Variants in GNAS-AS1 observed in about 807,000 individuals in gnomAD.
The protein encoded by GNAS-AS1 is GNAS antisense RNA 1, also known as GNAS antisense RNA 1 (non-protein coding).
At position 58,840,798 on chromosome 20, in the gene GNAS-AS1, C is replaced by T. The variant is rs1345821898; in HGVS notation, n.819+1139G>A. 6.2e-7 allele frequency: 1 copy of T among 1,612,292 alleles called. No homozygotes were observed. Among genetic ancestry groups the T allele is most frequent in the Non-Finnish European group, 8.5e-7 (1 of 1,179,974 alleles). On this transcript the variant is annotated intron_variant and non_coding_transcript_variant, in intron 4 of 4. Coordinates refer to ENST00000424094, the Ensembl canonical transcript of GNAS-AS1. The surrounding 1 kb of genome is among the most constrained non-coding windows in gnomAD (Gnocchi z 6.0). Reference sequence around the variant, plus strand: ...AAGCCCACCCGCCGTGACGCGTCCCCGGAGTCCCCTTCCAAAAAGGGACCC... The same window carrying T: ...AAGCCCACCCGCCGTGACGCGTCCCTGGAGTCCCCTTCCAAAAAGGGACCC...
At chr20:58,831,049 C>T (rs2085566072) in intron 4 of GNAS-AS1, among the ~76,000 whole-genome samples, 1 of 152,026 alleles carries the variant, frequency 6.6e-6, no homozygotes, top group South Asian at 2.1e-4. Context: ...TCAGAGAAAG[C>T]CAAAATAAGT....
At chr20:58,845,263 G>GA (rs1308472885) in intron 2 of GNAS-AS1, among the ~76,000 whole-genome samples, 7 of 152,212 alleles carry the variant, frequency 4.6e-5, no homozygotes, top group South Asian at 2.1e-4. Flanking sequence ...AGCTAGACCT[G>GA]AAAAAAATGG....
rs145150155 is a variant in GNAS-AS1, at chr20:58,845,508, A to G, written n.414-2963T>C. 2.4e-3 allele frequency among the ~76,000 whole-genome samples: 371 copies of G among 152,336 alleles called. 1 individual carries two copies. The highest frequency in any genetic ancestry group is 6.2e-3 in the South Asian group (30 of 4,822). ...CCAAAACCAGTTTTGCCTCCATCAT[A>G]CATGCATGGGATAAACAAAGCAAGC... is the stretch of plus-strand genomic sequence containing the variant. On this transcript the variant is annotated intron_variant and non_coding_transcript_variant, in intron 2 of 4. Transcript: ENST00000424094.
intron 2 of GNAS-AS1, chr20:58,842,591 G>A (rs1328326086): frequency 2.5e-6 from 1 of 398,318 alleles, no homozygotes; most frequent in Admixed American, 4.4e-5. Context: ...GGTTTTCTGC[G>A]ACAGCAATGT....
At chr20:58,819,092 C>A in exon 5 of GNAS-AS1, 1 of 398,680 alleles carries the variant, frequency 2.5e-6, no homozygotes, top group Non-Finnish European at 4.4e-6. Flanking sequence ...ACCAAACTCT[C>A]TTTGCTTATC....
intron 2 of GNAS-AS1, among the ~76,000 whole-genome samples, chr20:58,844,744 C>G (rs1311010114): frequency 1.3e-5 from 2 of 151,740 alleles, no homozygotes; most frequent in African/African-American, 4.8e-5. Flanking sequence ...AAAGCACCAG[C>G]TAGGTATCGC....
chr20:58,839,337 T>C (rs934201848), intron 4 of GNAS-AS1: 13 of 398,588 alleles, frequency 3.3e-5, no homozygotes, highest in Admixed American at 2.6e-4. Context: ...TGGAAAATGC[T>C]AGAGGCTTAA....
rs1218011584 is a variant in GNAS-AS1 at position 58,841,191 on chromosome 20, A to C, written n.819+746T>G. Among the ~76,000 whole-genome samples, 1 of 152,128 alleles carries C rather than the reference A, an allele frequency of 6.6e-6. No individual in the cohort carries two copies. Among genetic ancestry groups the C allele is most frequent in the Non-Finnish European group, 1.5e-5 (1 of 68,032 alleles). Reference sequence around the variant, plus strand: ...CGCGACTGAATCCCGAACGCACCCCAGATTTGGAGCTGCACACCCAAACGG... The same window carrying C: ...CGCGACTGAATCCCGAACGCACCCCCGATTTGGAGCTGCACACCCAAACGG... On this transcript the variant is annotated intron_variant and non_coding_transcript_variant, in intron 4 of 4. Transcript: ENST00000424094. This position sits in a 1 kb window ranked among gnomAD's most constrained non-coding sequence, Gnocchi z 5.0.
intron 4 of GNAS-AS1, among the ~76,000 whole-genome samples, chr20:58,824,237 A>G (rs2085505257): frequency 6.6e-6 from 1 of 152,272 alleles, no homozygotes; most frequent in Non-Finnish European, 1.5e-5. Context: ...AGAGGAAACC[A>G]GAGCAGCAGA....
intron 4 of GNAS-AS1, among the ~76,000 whole-genome samples, chr20:58,824,711 G>A (rs2085508455): frequency 6.6e-6 from 1 of 152,172 alleles, no homozygotes; most frequent in Admixed American, 6.5e-5. Context: ...CCTGCCAGAA[G>A]AAACCAAATG....
In GNAS-AS1 at chr20:58,840,036, G is replaced by A. The variant is rs1407327043; in HGVS notation, n.819+1901C>T. 1.9e-6 allele frequency: 3 copies of A among 1,553,674 alleles called. No homozygotes were observed. The highest frequency in any genetic ancestry group is 2.2e-5 in the East Asian group (1 of 44,620). On this transcript the variant is annotated intron_variant and non_coding_transcript_variant, in intron 4 of 4. Transcript: ENST00000424094. The surrounding 1 kb of genome is among the most constrained non-coding windows in gnomAD (Gnocchi z 6.0). ...GGGTGTACCTTTCCCGGCTCCAGCAGCCAATGTGCTTCGGAGCCACTCTCT... is the reference window on the plus strand; with the variant it reads ...GGGTGTACCTTTCCCGGCTCCAGCAACCAATGTGCTTCGGAGCCACTCTCT...
intron 4 of GNAS-AS1, among the ~76,000 whole-genome samples, chr20:58,828,983 G>T (rs1158106834): frequency 2.3e-5 from 3 of 128,940 alleles, no homozygotes; most frequent in Non-Finnish European, 4.8e-5. Context: ...ACATGGCAGA[G>T]CTCCTGGCCC....
Position 58,841,631 on chromosome 20 carries a change from G to T in GNAS-AS1, n.819+306C>A. ...GCACCTGCCCGCGCGCGCCGGAGCT[G>T]ACCTCTCCCGGCGGCGGGCGGTTAG... On this transcript the variant is annotated intron_variant and non_coding_transcript_variant, in intron 4 of 4. Transcript: ENST00000424094. This position sits in a 1 kb window ranked among gnomAD's most constrained non-coding sequence, Gnocchi z 5.0. 9.2e-7 allele frequency: 1 copy of T among 1,082,864 alleles called. No homozygotes were observed. The highest frequency in any genetic ancestry group is 1.1e-6 in the Non-Finnish European group (1 of 893,130). 67.1% of individuals were successfully genotyped at this position (1,082,864 alleles called of 1,614,324 possible). A position where few individuals can be genotyped will look rare whatever the true frequency, so the allele number is the denominator to read the frequency against.
intron 4 of GNAS-AS1, among the ~76,000 whole-genome samples, chr20:58,838,339 C>T (rs1359071988): frequency 6.6e-6 from 1 of 152,184 alleles, no homozygotes; most frequent in East Asian, 1.9e-4. Context: ...TCCAAATCTT[C>T]AGCCTTGCAG....
intron 4 of GNAS-AS1, among the ~76,000 whole-genome samples, chr20:58,838,527 TTTG>T (rs1049107196): frequency 7.2e-5 from 11 of 152,188 alleles, no homozygotes; most frequent in African/African-American, 2.4e-4. Context: ...ATACAATACT[TTTG>T]TTGTTGTTGT....
intron 2 of GNAS-AS1, among the ~76,000 whole-genome samples, chr20:58,846,817 T>A (rs905275586): frequency 6.6e-6 from 1 of 152,222 alleles, no homozygotes; most frequent in Non-Finnish European, 1.5e-5. Context: ...CCTTAAACAA[T>A]GATGCCCAGA....
chr20:58,830,566 C>T (rs1371771866), intron 4 of GNAS-AS1, among the ~76,000 whole-genome samples: 1 of 66,860 alleles, frequency 1.5e-5, no homozygotes, highest in Admixed American at 1.5e-4. Context: ...CCACCATCAC[C>T]ACCACCACAC....
chr20:58,837,494 G>A (rs1291594429), intron 4 of GNAS-AS1, among the ~76,000 whole-genome samples: 1 of 152,214 alleles, frequency 6.6e-6, no homozygotes, highest in Non-Finnish European at 1.5e-5. Flanking sequence ...GTCCTTTTGT[G>A]GGGTTTGACA....
chr20:58,821,002 C>G (rs1474941777), intron 4 of GNAS-AS1, among the ~76,000 whole-genome samples: 1 of 152,182 alleles, frequency 6.6e-6, no homozygotes, highest in Non-Finnish European at 1.5e-5. Flanking sequence ...TCCTGCTCTC[C>G]CCGCTCTCTT....
Sources: allele counts gnomAD v4.1 joint callset (sites outside exome capture counted in the v4.1 genomes callset), GRCh38; gene constraint gnomAD v4.1.1; non-coding constraint Gnocchi (gnomAD v3.1); transcripts MANE v1.5; gene names NCBI Gene and HGNC (gene_info 2026-07-23, HGNC 2026-07-21).